The following RIN3 variants were observed in gnomAD, a reference collection of about 807,000 sequenced individuals.
The protein encoded by RIN3 is Ras and Rab interactor 3.
Under a neutral mutation model 76.3 loss-of-function variants are expected in RIN3, and 54 were observed. The observed-to-expected ratio is 0.71, with a 90% CI of 0.57 to 0.89. The LOEUF is 0.89. Among genes scored for constraint, RIN3 ranks in the 40% least tolerant of loss-of-function variants. The probability of loss-of-function intolerance (pLI) is 0.00; values close to 1 mark genes in which losing one functional copy is unlikely to be tolerated. For missense variants in RIN3, 1,256 were observed against 1,322.1 expected, an observed-to-expected ratio of 0.95 and a Z score of 0.78; for synonymous variants, 576 against 564.0, an observed-to-expected ratio of 1.02 and a Z score of -0.30.
chr14:92,535,334 C>CTTTTTT (rs5810602), intron 1 of RIN3, among the ~76,000 whole-genome samples: 1 of 130,022 alleles, frequency 7.7e-6, no homozygotes, highest in Non-Finnish European at 1.6e-5. Context: ...TTCTTTCTTT[C>CTTTTTT]TTTTTTTTTT....
At chr14:92,614,913 G>T (rs545350231) in intron 3 of RIN3, among the ~76,000 whole-genome samples, 34 of 145,056 alleles carry the variant, frequency 2.3e-4, no homozygotes, top group African/African-American at 8.5e-4. Flanking sequence ...GTGCAGTCTC[G>T]GCTCTCTGCA....
chr14:92,587,057 G>A (rs972428295), intron 3 of RIN3, among the ~76,000 whole-genome samples: 1 of 152,216 alleles, frequency 6.6e-6, no homozygotes, highest in African/African-American at 2.4e-5. Context: ...AGGCTAGAAG[G>A]TGGGATTCGG....
At chr14:92,595,071 T>G (rs1343853426) in intron 3 of RIN3, among the ~76,000 whole-genome samples, 3 of 152,248 alleles carry the variant, frequency 2.0e-5, no homozygotes, top group Non-Finnish European at 4.4e-5. Flanking sequence ...AACATATTCA[T>G]GCATATAGGT....
intron 4 of RIN3, among the ~76,000 whole-genome samples, chr14:92,629,882 C>T (rs966864356): frequency 1.3e-5 from 2 of 152,238 alleles, no homozygotes; most frequent in African/African-American, 4.8e-5. Context: ...AGAGGCCTCA[C>T]TGTGTGCATC....
At position 92,651,802 on chromosome 14, in the gene RIN3, G is replaced by C. The variant is rs1301680183; in HGVS notation, c.753G>C (p.Gln251His). Reference sequence around the variant, plus strand: ...GCAGCAGCGCCCTGCCCACCGACCAGCCACCTCTTGGAAATTGCCCTGCAC... The same window carrying C: ...GCAGCAGCGCCCTGCCCACCGACCACCCACCTCTTGGAAATTGCCCTGCAC... ...EDCSSALPTDQPPLGNCPARP... is the reference protein window; with the variant it reads ...EDCSSALPTDHPPLGNCPARP... Residue 251 changes from glutamine to histidine, a missense_variant, in exon 6 of 10, where the codon CAG becomes CAC. This residue lies in a region of RIN3 where 610 missense variants were observed against 626.4 expected (regional missense o/e 0.97). Coordinates refer to ENST00000216487, the MANE Select transcript of RIN3 (RefSeq NM_024832.5). 1 of 1,613,448 alleles carries C rather than the reference G, an allele frequency of 6.2e-7. No individual in the cohort carries two copies. Among genetic ancestry groups the C allele is most frequent in the African/African-American group, 1.3e-5 (1 of 74,874 alleles).
intron 2 of RIN3, among the ~76,000 whole-genome samples, chr14:92,561,044 A>AAAAAATATATATATATATATAT (rs1555383856): frequency 8.2e-5 from 2 of 24,394 alleles, no homozygotes; most frequent in African/African-American, 2.6e-4. Context: ...AAAAAAAAAA[A>AAAAAATATATATATATATATAT]ATATATATAT....
intron 7 of RIN3, among the ~76,000 whole-genome samples, chr14:92,676,129 G>A (rs1420955748): frequency 1.5e-4 from 23 of 151,906 alleles, no homozygotes; most frequent in Non-Finnish European, 3.4e-4. Context: ...GAATGCTTCT[G>A]GGTGGGTCCA....
chr14:92,662,388 G>C (rs570246317), intron 7 of RIN3, among the ~76,000 whole-genome samples: 5 of 152,258 alleles, frequency 3.3e-5, no homozygotes, highest in African/African-American at 1.2e-4. Flanking sequence ...GGGACCCTGG[G>C]GGGGATCATG....
intron 3 of RIN3, among the ~76,000 whole-genome samples, chr14:92,589,490 G>T (rs1455782983): frequency 6.6e-6 from 1 of 152,188 alleles, no homozygotes; most frequent in African/African-American, 2.4e-5. Flanking sequence ...TCACACCTGT[G>T]CAGGGAGACA....
intron 2 of RIN3, among the ~76,000 whole-genome samples, chr14:92,572,447 T>G (rs1470606693): frequency 1.3e-5 from 2 of 152,170 alleles, no homozygotes; most frequent in Admixed American, 6.5e-5. Context: ...TTTCAGGTTT[T>G]TTTCTATCTC....
chr14:92,588,950 G>T (rs1884883419), intron 3 of RIN3, among the ~76,000 whole-genome samples: 1 of 152,206 alleles, frequency 6.6e-6, no homozygotes, highest in African/African-American at 2.4e-5. Context: ...GTAGGAGTTA[G>T]TTTGTCCTGG....
At chr14:92,654,918 C>T (rs941042804) in intron 6 of RIN3, among the ~76,000 whole-genome samples, 3 of 152,140 alleles carry the variant, frequency 2.0e-5, no homozygotes, top group Non-Finnish European at 4.4e-5. Flanking sequence ...TGCCTGTAAT[C>T]CCAGCACGTT....
chr14:92,572,258 G>A (rs1042599170), intron 2 of RIN3, among the ~76,000 whole-genome samples: 1 of 152,220 alleles, frequency 6.6e-6, no homozygotes, highest in Non-Finnish European at 1.5e-5. Flanking sequence ...GGCCGCATGC[G>A]CAGTGTGTTT....
At chr14:92,543,190 G>T (rs995118316) in intron 1 of RIN3, among the ~76,000 whole-genome samples, 2 of 152,014 alleles carry the variant, frequency 1.3e-5, no homozygotes, top group African/African-American at 4.8e-5. Context: ...GGCTGTTCCA[G>T]CCGGAAAACA....
intron 4 of RIN3, among the ~76,000 whole-genome samples, chr14:92,620,784 A>G (rs1886148419): frequency 6.6e-6 from 1 of 152,168 alleles, no homozygotes; most frequent in Non-Finnish European, 1.5e-5. Flanking sequence ...CACATAATGA[A>G]TATTTTAATC....
At chr14:92,538,181 G>A (rs978144817) in intron 1 of RIN3, among the ~76,000 whole-genome samples, 1 of 152,108 alleles carries the variant, frequency 6.6e-6, no homozygotes, top group Non-Finnish European at 1.5e-5. Flanking sequence ...GTTTGGCCAG[G>A]CTGGTCTCAA....
intron 3 of RIN3, among the ~76,000 whole-genome samples, chr14:92,591,120 T>C (rs1424441861): frequency 1.3e-5 from 2 of 152,164 alleles, no homozygotes; most frequent in Admixed American, 1.3e-4. Flanking sequence ...ATGGGGAATG[T>C]AAGCGGAGAG....
At chr14:92,674,889 C>CAAA (rs34494858) in intron 7 of RIN3, among the ~76,000 whole-genome samples, 35,689 of 117,850 alleles carry the variant, frequency 0.3, 5,253 homozygotes, top group Middle Eastern at 0.38. Flanking sequence ...AACTCTGTCT[C>CAAA]AAAAAAAAAA....
intron 1 of RIN3, among the ~76,000 whole-genome samples, chr14:92,551,207 ATATGTACT>A (rs1248438286): frequency 2.6e-5 from 4 of 152,176 alleles, no homozygotes; most frequent in Non-Finnish European, 2.9e-5. Context: ...GATTCATGCC[ATATGTACT>A]TTTTTGCATT....
Sources: allele counts gnomAD v4.1 joint callset (sites outside exome capture counted in the v4.1 genomes callset), GRCh38; gene constraint gnomAD v4.1.1; regional missense constraint gnomAD v4.1.1; transcripts MANE v1.5; gene names NCBI Gene and HGNC (gene_info 2026-07-23, HGNC 2026-07-21).